RGS7: variants seen among roughly 807,000 people sequenced by gnomAD.
RGS7 encodes regulator of G protein signaling 7.
A neutral mutation model predicts 81.1 loss-of-function variants in RGS7; 27 were observed. The observed-to-expected ratio is 0.33, with a 90% CI of 0.25 to 0.46. The LOEUF is 0.46. Ranked by LOEUF, RGS7 falls within the 20% of genes least tolerant of loss-of-function variation. The probability of loss-of-function intolerance (pLI) is 1.00; values close to 1 mark genes in which losing one functional copy is unlikely to be tolerated. For missense variants in RGS7, 396 were observed against 607.4 expected (o/e 0.65, Z 3.66); for synonymous variants, 208 against 207.7 (o/e 1.00, Z -0.01).
intron 6 of RGS7, among the ~76,000 whole-genome samples, chr1:240,913,601 G>A (rs1443070546): frequency 1.3e-5 from 2 of 152,038 alleles, no homozygotes; most frequent in East Asian, 3.9e-4. Context: ...GCTAAAATGG[G>A]TTTTGTTGTT....
intron 5 of RGS7, among the ~76,000 whole-genome samples, chr1:240,932,910 G>A (rs71648639): frequency 9.6e-6 from 1 of 104,294 alleles, no homozygotes; most frequent in Non-Finnish European, 1.8e-5. Flanking sequence ...TTGAGACAGA[G>A]TCTCGCTCTG....
chr1:241,188,976 C>T (rs907155228), intron 2 of RGS7, among the ~76,000 whole-genome samples: 1 of 152,008 alleles, frequency 6.6e-6, no homozygotes, highest in African/African-American at 2.4e-5. Context: ...GGTGTTGTCA[C>T]TTTTGAATTT....
chr1:241,009,287 A>C (rs904556954), intron 3 of RGS7, among the ~76,000 whole-genome samples: 1 of 152,196 alleles, frequency 6.6e-6, no homozygotes, highest in African/African-American at 2.4e-5. Context: ...AATCCGGTTA[A>C]ATTTCTTTGT....
intron 2 of RGS7, among the ~76,000 whole-genome samples, chr1:241,137,942 G>A (rs191697340): frequency 3.3e-4 from 50 of 152,234 alleles, no homozygotes; most frequent in Non-Finnish European, 5.0e-4. Flanking sequence ...AGGCTGAGGC[G>A]GGCAGATCAC....
chr1:241,033,648 T>C (rs532475535), intron 3 of RGS7, among the ~76,000 whole-genome samples: 3 of 152,252 alleles, frequency 2.0e-5, no homozygotes, highest in African/African-American at 7.2e-5. Flanking sequence ...TATGTTATGG[T>C]GATATCAGTT....
chr1:241,236,320 C>T (rs1024613223), intron 2 of RGS7, among the ~76,000 whole-genome samples: 7 of 152,216 alleles, frequency 4.6e-5, no homozygotes, highest in Admixed American at 2.0e-4. Flanking sequence ...GAATATTATA[C>T]GACATGCAAT....
chr1:241,246,676 C>G (rs952496639), intron 2 of RGS7, among the ~76,000 whole-genome samples: 1 of 151,800 alleles, frequency 6.6e-6, no homozygotes, highest in Non-Finnish European at 1.5e-5. Context: ...GGCATTAGGC[C>G]AGAAGCTAAG....
At chr1:240,807,497 T>G (rs1689068749) in intron 14 of RGS7, among the ~76,000 whole-genome samples, 2 of 152,184 alleles carry the variant, frequency 1.3e-5, no homozygotes, top group Admixed American at 1.3e-4. Flanking sequence ...ACTTGACCAT[T>G]AATAAATAAT....
chr1:241,290,807 A>G (rs1290664829), intron 2 of RGS7, among the ~76,000 whole-genome samples: 3 of 152,186 alleles, frequency 2.0e-5, no homozygotes, highest in Admixed American at 6.5e-5. Flanking sequence ...GACAGCAAAT[A>G]TCTCATGAAA....
intron 3 of RGS7, among the ~76,000 whole-genome samples, chr1:241,034,597 CTTTTAAAAA>C (rs1284368961): frequency 6.6e-6 from 1 of 152,282 alleles, no homozygotes; most frequent in Admixed American, 6.5e-5. Flanking sequence ...ACAATAAAAA[CTTTTAAAAA>C]TACCAAATAA....
intron 2 of RGS7, among the ~76,000 whole-genome samples, chr1:241,325,750 A>G (rs1167143481): frequency 2.0e-5 from 3 of 152,094 alleles, no homozygotes; most frequent in African/African-American, 7.2e-5. Flanking sequence ...CTGATCACAA[A>G]CTATTCTCCT....
intron 9 of RGS7, among the ~76,000 whole-genome samples, chr1:240,828,969 G>C (rs113249849): frequency 1.3e-5 from 2 of 152,258 alleles, no homozygotes; most frequent in African/African-American, 4.8e-5. Context: ...AGGGCAAAAA[G>C]GCAGAGCTGA....
In RGS7 at chr1:241,306,440, A is replaced by AC. The variant is rs575847832; in HGVS notation, c.78+49258dup. ...ACACGTCCATACACCCTTTACACAC[A>AC]CCCCCACACAGGCACATATGCACAC... On this transcript the variant is annotated intron_variant, in intron 2 of 18. Coordinates refer to ENST00000440928, the MANE Select transcript of RGS7 (RefSeq NM_001364886.1). 2.1e-3 allele frequency among the ~76,000 whole-genome samples: 299 copies of AC among 140,854 alleles called. 4 individuals carry two copies. Among genetic ancestry groups the AC allele is most frequent in the African/African-American group, 7.2e-3 (268 of 37,078 alleles). The allele number at this position is 140,854 out of a possible 152,430, so 92.4% of individuals were successfully genotyped here.
At chr1:241,071,340 C>T (rs1215373076) in intron 3 of RGS7, among the ~76,000 whole-genome samples, 1 of 152,124 alleles carries the variant, frequency 6.6e-6, no homozygotes, top group Non-Finnish European at 1.5e-5. Context: ...CTATTAGGAA[C>T]TGACCCGAAT....
chr1:241,015,423 T>TAAC (rs998479017), intron 3 of RGS7, among the ~76,000 whole-genome samples: 5 of 152,358 alleles, frequency 3.3e-5, no homozygotes, highest in African/African-American at 1.2e-4. Flanking sequence ...GCCATTTGTT[T>TAAC]AAATTTGCAA....
intron 2 of RGS7, among the ~76,000 whole-genome samples, chr1:241,253,527 G>GA (rs1357149701): frequency 1.3e-5 from 2 of 152,146 alleles, no homozygotes; most frequent in East Asian, 3.9e-4. Context: ...AAGTGGAAAT[G>GA]AAAATGGATC....
intron 4 of RGS7, among the ~76,000 whole-genome samples, chr1:240,962,359 TAA>T (rs1387980666): frequency 6.6e-6 from 1 of 152,202 alleles, no homozygotes; most frequent in Non-Finnish European, 1.5e-5. Flanking sequence ...TCTCTATGGT[TAA>T]AAGTCTCTTA....
chr1:241,129,060 A>G (rs1197202640), intron 2 of RGS7, among the ~76,000 whole-genome samples: 1 of 152,156 alleles, frequency 6.6e-6, no homozygotes, highest in Non-Finnish European at 1.5e-5. Flanking sequence ...ACTTTAGATA[A>G]TTTCTCCAAA....
chr1:240,878,448 C>T (rs1166420573), intron 6 of RGS7, among the ~76,000 whole-genome samples: 5 of 148,612 alleles, frequency 3.4e-5, no homozygotes, highest in East Asian at 2.0e-4. Context: ...AGTGTTCATT[C>T]GAGGTTTTGT....
Sources: gnomAD v4.1 joint callset for allele counts (sites outside exome capture counted in the v4.1 genomes callset) on GRCh38, gnomAD v4.1.1 for gene constraint, MANE v1.5 for transcripts, NCBI Gene and HGNC (gene_info 2026-07-23, HGNC 2026-07-21) for gene names.